TIMP2: variants seen among roughly 807,000 people sequenced by gnomAD.
The protein encoded by TIMP2 is TIMP metallopeptidase inhibitor 2.
A neutral mutation model predicts 24.3 loss-of-function variants in TIMP2; 5 were observed. The observed-to-expected ratio is 0.21, with a 90% CI of 0.11 to 0.43. TIMP2 has a LOEUF of 0.43. Among genes scored for constraint, TIMP2 ranks in the 20% least tolerant of loss-of-function variants. The pLI is 1.00. For synonymous variants in TIMP2, 130 were observed against 123.2 expected (o/e 1.06, Z -0.37); for missense variants, 221 against 297.5 (o/e 0.74, Z 1.89).
chr17:78,871,067 T>C, intron 2 of TIMP2, 61 bp from the exon 3 acceptor site: 4 of 1,439,312 alleles, frequency 2.8e-6, no homozygotes, highest in Non-Finnish European at 1.9e-6. Flanking sequence ...GTGAATTCCG[T>C]TCCCATCCAG....
At position 78,883,106 on chromosome 17, in the gene TIMP2, T is replaced by G. The variant is rs889769710; in HGVS notation, c.131-9187A>C. Among the ~76,000 whole-genome samples the G allele has an allele frequency of 3.3e-5, 5 of 152,148 alleles. 1 individual carries two copies. The highest frequency in any genetic ancestry group is 1.2e-4 in the African/African-American group (5 of 41,404). ...GGCTCTTCCCGCCCTGCAGCTGCTGTGGAGGCCAGACCCACCCTCAGGTCC... is the reference window on the plus strand; with the variant it reads ...GGCTCTTCCCGCCCTGCAGCTGCTGGGGAGGCCAGACCCACCCTCAGGTCC... On this transcript the variant is annotated intron_variant, in intron 1 of 4. Transcript: ENST00000262768.
At chr17:78,880,147 A>C (rs1182546702) in intron 1 of TIMP2, among the ~76,000 whole-genome samples, 1 of 151,526 alleles carries the variant, frequency 6.6e-6, no homozygotes, top group Admixed American at 6.6e-5. Context: ...CTCTCCACAG[A>C]CTCCAACCAC....
chr17:78,868,871 C>G (rs1417083683), intron 3 of TIMP2, among the ~76,000 whole-genome samples: 1 of 152,146 alleles, frequency 6.6e-6, no homozygotes, highest in Non-Finnish European at 1.5e-5. Flanking sequence ...TCTACCCCAC[C>G]TCCCCTGGGC....
intron 2 of TIMP2, among the ~76,000 whole-genome samples, chr17:78,871,494 C>A (rs886175830): frequency 6.7e-5 from 10 of 149,220 alleles, no homozygotes; most frequent in African/African-American, 2.0e-4. Context: ...CTTCTTATAG[C>A]AAAGTGATTC....
chr17:78,903,723 C>T (rs996395912), intron 1 of TIMP2, among the ~76,000 whole-genome samples: 1 of 152,090 alleles, frequency 6.6e-6, no homozygotes, highest in African/African-American at 2.4e-5. Flanking sequence ...TAGTTCCCCA[C>T]AGACAGTTTG....
Position 78,925,109 on chromosome 17 carries a change from G to T in TIMP2, c.-21C>A. The T allele has an allele frequency of 1.1e-6, 1 of 906,642 alleles. No individual in the cohort carries two copies. The highest frequency in any genetic ancestry group is 1.3e-6 in the Non-Finnish European group (1 of 760,106). 56.2% of individuals were successfully genotyped at this position (906,642 alleles called of 1,614,324 possible). On this transcript the variant is annotated 5_prime_UTR_variant, in exon 1 of 5. Coordinates refer to ENST00000262768, the MANE Select transcript of TIMP2 (RefSeq NM_003255.5). The stretch of plus-strand genomic sequence containing the variant: ...CCCATGGCGGGCCGGGGGGCTGGGC[G>T]GGCGGGGGCCGCCGCTGGGGGGTCC...
intron 2 of TIMP2, among the ~76,000 whole-genome samples, chr17:78,873,554 A>C (rs1322863539): frequency 6.6e-6 from 1 of 152,216 alleles, no homozygotes; most frequent in Admixed American, 6.5e-5. Context: ...CGGCCTCCCG[A>C]AGTGCTGGGA....
At position 78,853,143 on chromosome 17, in the gene TIMP2, C is replaced by T. The variant is rs1283847280; in HGVS notation, c.*2524G>A. ...TATTCCAGCATAAACACAGTGCTCC[C>T]CTCCCCCAAAAATCCAAACGGAAAC... On this transcript the variant is annotated 3_prime_UTR_variant, in exon 5 of 5. Transcript: ENST00000262768. 6.6e-6 allele frequency: 1 copy of T among 152,552 alleles called. No homozygotes were observed. Among genetic ancestry groups the T allele is most frequent in the Non-Finnish European group, 1.5e-5 (1 of 68,026 alleles). The allele number at this position is 152,552 out of a possible 1,614,324, so 9.4% of individuals were successfully genotyped here. A position where few individuals can be genotyped will look rare whatever the true frequency, so the allele number is the denominator to read the frequency against.
At chr17:78,858,775 T>C (rs1336060391) in intron 3 of TIMP2, among the ~76,000 whole-genome samples, 1 of 152,176 alleles carries the variant, frequency 6.6e-6, no homozygotes. Flanking sequence ...TACCCCCACT[T>C]TGGCCTCCCA....
At chr17:78,893,169 G>A (rs1344809499) in intron 1 of TIMP2, among the ~76,000 whole-genome samples, 1 of 149,376 alleles carries the variant, frequency 6.7e-6, no homozygotes, top group African/African-American at 2.5e-5. Flanking sequence ...GGGTGTGTGT[G>A]CATACATGTG....
At chr17:78,911,282 C>T (rs899302497) in intron 1 of TIMP2, among the ~76,000 whole-genome samples, 3 of 152,124 alleles carry the variant, frequency 2.0e-5, no homozygotes, top group African/African-American at 7.2e-5. Context: ...GGTCTTCCTG[C>T]CCCACACTCC....
intron 1 of TIMP2, among the ~76,000 whole-genome samples, chr17:78,875,692 C>T (rs184723402): frequency 7.0e-4 from 106 of 152,286 alleles, no homozygotes; most frequent in Non-Finnish European, 1.2e-3. Flanking sequence ...GAGCAGACCA[C>T]GCCAGGCTCC....
At chr17:78,908,102 T>C (rs901032080) in intron 1 of TIMP2, among the ~76,000 whole-genome samples, 4 of 151,976 alleles carry the variant, frequency 2.6e-5, no homozygotes, top group African/African-American at 9.7e-5. Flanking sequence ...ACCACTGCAC[T>C]CCAGCCTGGG....
chr17:78,887,044 G>A (rs2069831000), intron 1 of TIMP2, among the ~76,000 whole-genome samples: 1 of 152,104 alleles, frequency 6.6e-6, no homozygotes, highest in Non-Finnish European at 1.5e-5. Flanking sequence ...TACTTGGCCT[G>A]AAGCAGAAAG....
rs2070344734 is a variant in TIMP2 at position 78,925,382 on chromosome 17, T to C, written c.-294A>G. 2.6e-5 allele frequency: 4 copies of C among 152,108 alleles called. No individual in the cohort carries two copies. The South Asian group carries it at 5.4e-4, about 20-fold the overall frequency. The allele number at this position is 152,108 out of a possible 1,614,324, so 9.4% of individuals were successfully genotyped here. On this transcript the variant is annotated 5_prime_UTR_variant, in exon 1 of 5. Coordinates refer to ENST00000262768, the MANE Select transcript of TIMP2 (RefSeq NM_003255.5). Reference sequence around the variant, plus strand: ...GGCCGCGCTGCCTTCTACGGATGTGTTTGCTGCGGGCTTGGGCCGGGCCGC... The same window carrying C: ...GGCCGCGCTGCCTTCTACGGATGTGCTTGCTGCGGGCTTGGGCCGGGCCGC...
At chr17:78,907,708 T>A (rs973409908) in intron 1 of TIMP2, among the ~76,000 whole-genome samples, 3 of 152,228 alleles carry the variant, frequency 2.0e-5, no homozygotes, top group Non-Finnish European at 4.4e-5. Flanking sequence ...ATTCAATTCA[T>A]GAAAACGCAG....
chr17:78,861,317 C>T (rs16971785), intron 3 of TIMP2, among the ~76,000 whole-genome samples: 4,104 of 152,296 alleles, frequency 0.027, 159 homozygotes, highest in African/African-American at 0.086. Flanking sequence ...CCAGCATTAA[C>T]TCCCACTTTC....
chr17:78,871,996 C>T (rs1336127242), intron 2 of TIMP2, among the ~76,000 whole-genome samples: 1 of 151,972 alleles, frequency 6.6e-6, no homozygotes, highest in Non-Finnish European at 1.5e-5. Context: ...AGGACCATGA[C>T]TTTTGCATAT....
chr17:78,925,103 C>G lies in TIMP2; in HGVS notation c.-15G>C. 1.2e-4 allele frequency: 8 copies of G among 64,312 alleles called. No individual in the cohort carries two copies. Among genetic ancestry groups the G allele is most frequent in the South Asian group, 5.3e-4 (1 of 1,888 alleles). 4.0% of individuals were successfully genotyped at this position (64,312 alleles called of 1,614,324 possible). A position where few individuals can be genotyped will look rare whatever the true frequency, so the allele number is the denominator to read the frequency against. On this transcript the variant is annotated 5_prime_UTR_variant, in exon 1 of 5. Coordinates refer to ENST00000262768, the MANE Select transcript of TIMP2 (RefSeq NM_003255.5). The stretch of plus-strand genomic sequence containing the variant: ...GCGGCGCCCATGGCGGGCCGGGGGG[C>G]TGGGCGGGCGGGGGCCGCCGCTGGG...
Sources: allele counts gnomAD v4.1 joint callset (sites outside exome capture counted in the v4.1 genomes callset), GRCh38; gene constraint gnomAD v4.1.1; transcripts MANE v1.5; gene names NCBI Gene and HGNC (gene_info 2026-07-23, HGNC 2026-07-21).